CAST: variants seen among roughly 807,000 people sequenced by gnomAD.
CAST encodes MIR583 host.
A neutral mutation model predicts 119.6 loss-of-function variants in CAST; 76 were observed. The observed-to-expected ratio is 0.64, with a 90% CI of 0.53 to 0.77. The LOEUF is 0.77. CAST is among the 30% of genes least tolerant of loss of function. The pLI is 0.00. For missense variants in CAST, 953 were observed against 946.5 expected (o/e 1.01, Z -0.09); for synonymous variants, 319 against 331.6 (o/e 0.96, Z 0.41).
chr5:96,765,261 C>CT lies in CAST; in HGVS notation c.1974dup (p.Asp659Ter), dbSNP rs1561615017. 6.2e-7 allele frequency: 1 copy of CT among 1,606,484 alleles called. No individual in the cohort carries two copies. Among genetic ancestry groups the CT allele is most frequent in the Non-Finnish European group, 8.5e-7 (1 of 1,175,974 alleles). ...CTCGATGATGCCTTGGATAAACTCT[C>CT]TGACAGTCTAGGACAAAGGCAGCCT... On this transcript the variant is annotated frameshift_variant, in exon 26 of 32. Transcript: ENST00000675179. LOFTEE classifies it high-confidence loss of function.
At chr5:96,238,357 T>TCTTCTCTC in the CAST span, among the ~76,000 whole-genome samples, 1 of 79,688 alleles carries the variant, frequency 1.3e-5, no homozygotes, top group Admixed American at 1.6e-4. Flanking sequence ...ATCTTCATCT[T>TCTTCTCTC]CTTCTTCTCC....
the CAST span, among the ~76,000 whole-genome samples, chr5:96,340,456 T>C: frequency 1.3e-5 from 2 of 152,146 alleles, no homozygotes; most frequent in Non-Finnish European, 2.9e-5. Context: ...AATGAGTTAG[T>C]AATTCAGTGA....
chr5:96,603,301 T>C (rs1237337911), intron 1 of CAST, among the ~76,000 whole-genome samples: 1 of 152,234 alleles, frequency 6.6e-6, no homozygotes, highest in Non-Finnish European at 1.5e-5. Context: ...TGTAATAACA[T>C]TTAGCTTAAA....
chr5:96,369,004 A>G, the CAST span, among the ~76,000 whole-genome samples: 1 of 152,030 alleles, frequency 6.6e-6, no homozygotes, highest in Non-Finnish European at 1.5e-5. Context: ...TAGAATTCTG[A>G]AACTTTACAA....
chr5:96,488,332 T>A, the CAST span, among the ~76,000 whole-genome samples: 3 of 152,174 alleles, frequency 2.0e-5, no homozygotes, highest in Admixed American at 2.0e-4. Context: ...ACCACCAGCA[T>A]TTAATGATAT....
intron 1 of CAST, among the ~76,000 whole-genome samples, chr5:96,674,847 G>T (rs1432792154): frequency 6.6e-6 from 1 of 152,154 alleles, no homozygotes; most frequent in Non-Finnish European, 1.5e-5. Context: ...ATGAATGTTT[G>T]AGGCGACAGA....
the CAST span, among the ~76,000 whole-genome samples, chr5:96,259,501 T>C: frequency 6.6e-6 from 1 of 152,206 alleles, no homozygotes; most frequent in African/African-American, 2.4e-5. Flanking sequence ...CACATTTGTT[T>C]ATTTAGCAGG....
At chr5:96,148,667 A>G in the CAST span, among the ~76,000 whole-genome samples, 1 of 152,342 alleles carries the variant, frequency 6.6e-6, no homozygotes, top group South Asian at 2.1e-4. Context: ...AATTTCTGGA[A>G]TCAGGGACAC....
the CAST span, among the ~76,000 whole-genome samples, chr5:96,053,811 A>T: frequency 6.6e-6 from 1 of 152,248 alleles, no homozygotes; most frequent in African/African-American, 2.4e-5. Flanking sequence ...CTACTGTCTT[A>T]TAAAAGTAAA....
chr5:96,253,336 A>G, the CAST span, among the ~76,000 whole-genome samples: 1 of 152,156 alleles, frequency 6.6e-6, no homozygotes, highest in African/African-American at 2.4e-5. Flanking sequence ...AACCTGGCAC[A>G]TACTAAGATC....
the CAST span, among the ~76,000 whole-genome samples, chr5:96,181,141 A>G: frequency 1.3e-5 from 2 of 152,218 alleles, no homozygotes; most frequent in Admixed American, 1.3e-4. Flanking sequence ...ACATGCTTAC[A>G]TTTATAAAAT....
At chr5:96,632,391 A>T (rs1747833072) in intron 1 of CAST, among the ~76,000 whole-genome samples, 3 of 150,546 alleles carry the variant, frequency 2.0e-5, no homozygotes. Flanking sequence ...TTTATATATA[A>T]AAATTGTGCT....
the CAST span, among the ~76,000 whole-genome samples, chr5:96,041,204 A>G: frequency 6.6e-6 from 1 of 152,148 alleles, no homozygotes; most frequent in Non-Finnish European, 1.5e-5. Flanking sequence ...GCCACAGATC[A>G]AGGCCATTAT....
chr5:95,963,725 C>CTTTTTTTTT, the CAST span, among the ~76,000 whole-genome samples: 2,383 of 129,650 alleles, frequency 0.018, 55 homozygotes, highest in Admixed American at 0.043. Flanking sequence ...TTCTCTCTCT[C>CTTTTTTTTT]TTTTTTTTTT....
At chr5:96,678,163 A>C (rs958412149) in intron 2 of CAST, among the ~76,000 whole-genome samples, 3 of 152,176 alleles carry the variant, frequency 2.0e-5, no homozygotes, top group African/African-American at 4.8e-5. Context: ...TTACCAGAGA[A>C]AGACTTCCTG....
At chr5:96,551,265 A>T (rs891951479) in intron 1 of CAST, among the ~76,000 whole-genome samples, 2 of 152,238 alleles carry the variant, frequency 1.3e-5, no homozygotes, top group Non-Finnish European at 2.9e-5. Context: ...CCAATATTCA[A>T]CATTCTTAAA....
At chr5:96,694,366 G>A (rs1426105204) in intron 2 of CAST, among the ~76,000 whole-genome samples, 3 of 152,186 alleles carry the variant, frequency 2.0e-5, no homozygotes, top group Non-Finnish European at 4.4e-5. Flanking sequence ...GGCCAGGCAC[G>A]GTGGCTCACG....
At chr5:96,511,382 T>C in the CAST span, among the ~76,000 whole-genome samples, 36 of 152,280 alleles carry the variant, frequency 2.4e-4, 1 homozygote, top group Admixed American at 1.2e-3. Context: ...GATCTCGTGA[T>C]CTACCTGCCT....
chr5:96,363,410 A>G, the CAST span, among the ~76,000 whole-genome samples: 41 of 151,174 alleles, frequency 2.7e-4, no homozygotes, highest in Non-Finnish European at 5.8e-4. Flanking sequence ...CATTGAATCT[A>G]TAAATTACCT....
Sources: allele counts gnomAD v4.1 joint callset (sites outside exome capture counted in the v4.1 genomes callset), GRCh38; gene constraint gnomAD v4.1.1; transcripts MANE v1.5; gene names NCBI Gene and HGNC (gene_info 2026-07-23, HGNC 2026-07-21).